XKR4: variants seen among roughly 807,000 people sequenced by gnomAD.
The protein encoded by XKR4 is XK-related protein 4.
In XKR4, 12 loss-of-function variants were observed where a neutral mutation model predicts 53.9. That is an observed-to-expected ratio of 0.22 (90% CI 0.14 to 0.36). The LOEUF (loss-of-function observed/expected upper bound fraction) is 0.36, where lower values mean the gene tolerates loss of function less well. XKR4 is among the 10% of genes least tolerant of loss of function. XKR4 has a pLI of 1.00. For missense variants in XKR4, 799 were observed against 859.5 expected (o/e 0.93, Z 0.88); for synonymous variants, 354 against 362.4 (o/e 0.98, Z 0.26).
rs953985130 is a variant in XKR4 at position 55,539,446 on chromosome 8, A to T, written c.*15219A>T. 2.6e-5 allele frequency: 4 copies of T among 152,128 alleles called. No individual in the cohort carries two copies. The highest frequency in any genetic ancestry group is 2.0e-4 in the Admixed American group (3 of 15,274). The allele number at this position is 152,128 out of a possible 1,614,324, so 9.4% of individuals were successfully genotyped here. ...TGACATAAGATACGCACTCAATATA[A>T]TCTCTTCTGGATTCTAAAATCTAAT... On this transcript the variant is annotated 3_prime_UTR_variant, in exon 3 of 3. Coordinates refer to ENST00000327381, the MANE Select transcript of XKR4 (RefSeq NM_052898.2).
intron 2 of XKR4, among the ~76,000 whole-genome samples, chr8:55,383,453 G>T (rs1585548877): frequency 6.6e-6 from 1 of 152,212 alleles, no homozygotes; most frequent in Non-Finnish European, 1.5e-5. Context: ...AAATCACTCA[G>T]CTGAGTATAC....
At chr8:55,450,774 G>C (rs1805427284) in intron 2 of XKR4, 2 of 548,618 alleles carry the variant, frequency 3.6e-6, no homozygotes, top group Non-Finnish European at 6.9e-6. Context: ...TTCAGTAGAA[G>C]GGGTCTGAGA....
intron 1 of XKR4, among the ~76,000 whole-genome samples, chr8:55,317,379 G>T (rs767272769): frequency 6.6e-6 from 1 of 152,102 alleles, no homozygotes; most frequent in Non-Finnish European, 1.5e-5. Context: ...TCTAACTTCA[G>T]ATTTATTGTG....
chr8:55,452,313 A>T, intron 2 of XKR4: 1 of 644,770 alleles, frequency 1.6e-6, no homozygotes, highest in Non-Finnish European at 2.9e-6. Flanking sequence ...CAGCGCGGCC[A>T]CCGGGAAGGA....
At chr8:55,155,484 A>G (rs1340242435) in intron 1 of XKR4, among the ~76,000 whole-genome samples, 2 of 152,198 alleles carry the variant, frequency 1.3e-5, no homozygotes, top group Admixed American at 6.5e-5. Context: ...AAATAACAGG[A>G]TGTTGTAAAA....
intron 1 of XKR4, among the ~76,000 whole-genome samples, chr8:55,286,299 G>T (rs750802155): frequency 1.3e-5 from 2 of 152,196 alleles, no homozygotes; most frequent in Admixed American, 1.3e-4. Context: ...GAAATGTGGA[G>T]TTTATGAAAA....
chr8:55,460,660 C>G (rs1025400983), intron 2 of XKR4, among the ~76,000 whole-genome samples: 1 of 152,264 alleles, frequency 6.6e-6, no homozygotes, highest in African/African-American at 2.4e-5. Flanking sequence ...GCGCACCAAG[C>G]ATGAGCCGAA....
chr8:55,239,333 C>T (rs911089892), intron 1 of XKR4, among the ~76,000 whole-genome samples: 1 of 152,178 alleles, frequency 6.6e-6, no homozygotes, highest in Non-Finnish European at 1.5e-5. Flanking sequence ...AGGAAGGCAA[C>T]AGATCAATAT....
chr8:55,521,808 T>A (rs528688674), intron 2 of XKR4, among the ~76,000 whole-genome samples: 1 of 152,312 alleles, frequency 6.6e-6, no homozygotes, highest in South Asian at 2.1e-4. Context: ...TCAAGGATCA[T>A]AGACAACAGC....
chr8:55,497,276 C>T (rs139725869), intron 2 of XKR4, among the ~76,000 whole-genome samples: 1 of 152,084 alleles, frequency 6.6e-6, no homozygotes, highest in Non-Finnish European at 1.5e-5. Context: ...GATCAAAATA[C>T]AATAATGAAA....
intron 1 of XKR4, among the ~76,000 whole-genome samples, chr8:55,217,132 C>A (rs530728055): frequency 6.6e-6 from 1 of 150,478 alleles, no homozygotes; most frequent in Non-Finnish European, 1.5e-5. Context: ...GTCCCAGCTA[C>A]TCGGGAGGCT....
At chr8:55,148,412 AT>A (rs906740161) in intron 1 of XKR4, among the ~76,000 whole-genome samples, 1 of 149,940 alleles carries the variant, frequency 6.7e-6, no homozygotes, top group Non-Finnish European at 1.5e-5. Flanking sequence ...CTAAAAAAAA[AT>A]ATATATATAT....
chr8:55,195,690 T>G (rs917349290), intron 1 of XKR4, among the ~76,000 whole-genome samples: 1 of 152,210 alleles, frequency 6.6e-6, no homozygotes, highest in Admixed American at 6.5e-5. Flanking sequence ...CAATTATATG[T>G]CCTTTACAAT....
chr8:55,344,501 A>G (rs1447681154), intron 1 of XKR4, among the ~76,000 whole-genome samples: 1 of 150,856 alleles, frequency 6.6e-6, no homozygotes, highest in Non-Finnish European at 1.5e-5. Flanking sequence ...CCTCTTAATC[A>G]TTTGAAGACT....
At chr8:55,479,855 G>A (rs1208911878) in intron 2 of XKR4, among the ~76,000 whole-genome samples, 1 of 151,986 alleles carries the variant, frequency 6.6e-6, no homozygotes, top group East Asian at 1.9e-4. Context: ...CCAAGAAGAA[G>A]TTGACTCTCT....
At chr8:55,372,842 TC>T (rs1016190986) in intron 2 of XKR4, among the ~76,000 whole-genome samples, 12 of 152,092 alleles carry the variant, frequency 7.9e-5, no homozygotes, top group Non-Finnish European at 1.3e-4. Context: ...ACAGCTTTTT[TC>T]CCCCCAGGGT....
At chr8:55,359,664 A>C (rs1233238697) in intron 2 of XKR4, among the ~76,000 whole-genome samples, 3 of 152,160 alleles carry the variant, frequency 2.0e-5, no homozygotes, top group South Asian at 2.1e-4. Context: ...TATCTCTACT[A>C]GTTTTCTAAA....
chr8:55,362,716 A>C (rs565489471), intron 2 of XKR4, among the ~76,000 whole-genome samples: 1 of 152,154 alleles, frequency 6.6e-6, no homozygotes, highest in Admixed American at 6.5e-5. Flanking sequence ...TAGTTTTGTG[A>C]TTGTCATATT....
At chr8:55,453,578 C>T in intron 2 of XKR4, 1 of 389,978 alleles carries the variant, frequency 2.6e-6, no homozygotes, top group Non-Finnish European at 4.9e-6. Context: ...TGTGGTCCTC[C>T]TCCCAGCCTT....
Sources: gnomAD v4.1 joint callset for allele counts (sites outside exome capture counted in the v4.1 genomes callset) on GRCh38, gnomAD v4.1.1 for gene constraint, MANE v1.5 for transcripts, NCBI Gene and HGNC (gene_info 2026-07-23, HGNC 2026-07-21) for gene names.